KANSL1: variants seen among roughly 807,000 people sequenced by gnomAD.
KANSL1 encodes the protein KAT8 regulatory NSL complex subunit 1, also known as MLL1/MLL complex subunit KANSL1.
Under a neutral mutation model 103.6 loss-of-function variants are expected in KANSL1, and 22 were observed. The observed-to-expected ratio is 0.21, with a 90% CI of 0.15 to 0.30. The LOEUF is 0.30. KANSL1 is among the 10% of genes least tolerant of loss of function. The pLI is 1.00. For missense variants in KANSL1, 1,337 were observed against 1,399.8 expected, an observed-to-expected ratio of 0.96 and a Z score of 0.72; for synonymous variants, 600 against 527.6, an observed-to-expected ratio of 1.14 and a Z score of -1.88.
At chr17:46,049,784 C>CAAGCTAACAACG (rs1481393538) in intron 7 of KANSL1, 2 of 152,080 alleles carry the variant, frequency 1.3e-5, no homozygotes, top group Non-Finnish European at 2.9e-5. Context: ...AAAGACAGTA[C>CAAGCTAACAACG]AAGCTAACAA....
chr17:46,189,105 C>T (rs2047182893), intron 1 of KANSL1, among the ~76,000 whole-genome samples: 1 of 143,586 alleles, frequency 7.0e-6, no homozygotes, highest in Non-Finnish European at 1.5e-5. Context: ...TCAACCTACT[C>T]AGGAGGCTAA....
intron 2 of KANSL1, among the ~76,000 whole-genome samples, chr17:46,165,517 T>TA (rs2045951495): frequency 7.0e-6 from 1 of 143,366 alleles, no homozygotes; most frequent in Non-Finnish European, 1.5e-5. Context: ...CAGGTATTTT[T>TA]ATTTTTTTTT....
upstream of KANSL1, among the ~76,000 whole-genome samples, chr17:46,198,623 T>C (rs570248747): frequency 7.2e-5 from 11 of 152,206 alleles, no homozygotes; most frequent in Admixed American, 1.3e-4. Flanking sequence ...TCCTAGCTAC[T>C]TGGGAGGCTG....
chr17:46,175,843 A>G (rs1454692987), intron 1 of KANSL1, among the ~76,000 whole-genome samples: 1 of 152,230 alleles, frequency 6.6e-6, no homozygotes, highest in Non-Finnish European at 1.5e-5. Context: ...AATTACTAAT[A>G]TATTATTAAA....
chr17:46,178,320 A>G (rs2046626980), intron 1 of KANSL1, among the ~76,000 whole-genome samples: 2 of 152,378 alleles, frequency 1.3e-5, no homozygotes, highest in Middle Eastern at 3.4e-3. Flanking sequence ...CAAAGAATAC[A>G]AAGCCTTAAA....
intron 2 of KANSL1, among the ~76,000 whole-genome samples, chr17:46,163,629 A>G (rs2045857696): frequency 6.6e-6 from 1 of 152,194 alleles, no homozygotes; most frequent in Non-Finnish European, 1.5e-5. Context: ...TCTTAAGATT[A>G]TTTTGCAAAC....
intron 2 of KANSL1, among the ~76,000 whole-genome samples, chr17:46,126,584 G>A (rs1414108771): frequency 1.3e-5 from 2 of 152,152 alleles, no homozygotes; most frequent in Admixed American, 6.5e-5. Flanking sequence ...ATAAAGGGGG[G>A]CTTTAAAACA....
At chr17:46,163,137 G>A (rs895074864) in intron 2 of KANSL1, among the ~76,000 whole-genome samples, 14 of 152,202 alleles carry the variant, frequency 9.2e-5, no homozygotes, top group African/African-American at 2.9e-4. Flanking sequence ...GTAATTACCC[G>A]CTTAAATATT....
chr17:46,129,932 T>C (rs2043766067), intron 2 of KANSL1, among the ~76,000 whole-genome samples: 1 of 152,058 alleles, frequency 6.6e-6, no homozygotes, highest in African/African-American at 2.4e-5. Context: ...ACACCTGTAA[T>C]TCTAGCACTT....
At chr17:46,129,526 G>C (rs1353623659) in intron 2 of KANSL1, among the ~76,000 whole-genome samples, 3 of 152,226 alleles carry the variant, frequency 2.0e-5, no homozygotes, top group African/African-American at 7.2e-5. Context: ...AATTGACAAA[G>C]ACCTGCCTCA....
upstream of KANSL1, among the ~76,000 whole-genome samples, chr17:46,198,596 G>T (rs911964638): frequency 6.6e-6 from 1 of 152,124 alleles, no homozygotes; most frequent in Non-Finnish European, 1.5e-5. Context: ...GCCTGGCATT[G>T]TGGCACATGC....
At chr17:46,160,586 G>A (rs577344081) in intron 2 of KANSL1, among the ~76,000 whole-genome samples, 4 of 152,198 alleles carry the variant, frequency 2.6e-5, no homozygotes, top group Admixed American at 1.3e-4. Context: ...GAGGCATCAC[G>A]CCCATATAAC....
At chr17:46,140,238 T>C (rs377007237) in intron 2 of KANSL1, among the ~76,000 whole-genome samples, 3 of 151,858 alleles carry the variant, frequency 2.0e-5, no homozygotes, top group African/African-American at 7.3e-5. Context: ...CCGGAAAAAA[T>C]TTTAAGCTGC....
chr17:46,219,978 CTGT>C (rs2048472314), intron 1 of KANSL1, among the ~76,000 whole-genome samples: 1 of 151,962 alleles, frequency 6.6e-6, no homozygotes, highest in Admixed American at 6.5e-5. Context: ...TGGCGGGCGC[CTGT>C]GGTCCCAGCT....
At chr17:46,155,155 A>ATTTTTTTTTTTTTT (rs33974360) in intron 2 of KANSL1, among the ~76,000 whole-genome samples, 1 of 103,854 alleles carries the variant, frequency 9.6e-6, no homozygotes, top group Non-Finnish European at 1.8e-5. Flanking sequence ...TCAGCCAGGG[A>ATTTTTTTTTTTTTT]TTTTTTTTTT....
intron 6 of KANSL1, among the ~76,000 whole-genome samples, chr17:46,062,134 A>AAAAAAAC (rs67483415): frequency 6.8e-5 from 9 of 132,850 alleles, no homozygotes; most frequent in Non-Finnish European, 8.2e-5. Context: ...AAAAAAAAAA[A>AAAAAAAC]CATGTTACAG....
At chr17:46,034,896 A>G (rs2077103652) in intron 10 of KANSL1, 1 of 152,380 alleles carries the variant, frequency 6.6e-6, no homozygotes, top group Admixed American at 6.5e-5. Flanking sequence ...AGAGCTTTCT[A>G]GCTGTATCAA....
chr17:46,136,448 CAAAT>C (rs1259092057), intron 2 of KANSL1, among the ~76,000 whole-genome samples: 1 of 152,172 alleles, frequency 6.6e-6, no homozygotes, highest in Non-Finnish European at 1.5e-5. Flanking sequence ...CTCTTCTGCT[CAAAT>C]AAATGTCTTC....
At chr17:46,137,416 G>A (rs2044201450) in intron 2 of KANSL1, among the ~76,000 whole-genome samples, 1 of 152,094 alleles carries the variant, frequency 6.6e-6, no homozygotes, top group Non-Finnish European at 1.5e-5. Context: ...GTATGATTTA[G>A]TTAGCATCCT....
Sources: allele counts gnomAD v4.1 joint callset (sites outside exome capture counted in the v4.1 genomes callset), GRCh38; gene constraint gnomAD v4.1.1; transcripts MANE v1.5; gene names NCBI Gene and HGNC (gene_info 2026-07-23, HGNC 2026-07-21).